The following GRM8 variants were observed in gnomAD, a reference collection of about 807,000 sequenced individuals.
GRM8 encodes the protein glutamate metabotropic receptor 8.
Under a neutral mutation model 87.2 loss-of-function variants are expected in GRM8, and 47 were observed. That is an observed-to-expected ratio of 0.54 (90% CI 0.43 to 0.69). The LOEUF is 0.69. Ranked by LOEUF, GRM8 falls within the 30% of genes least tolerant of loss-of-function variation. The probability of loss-of-function intolerance (pLI) is 0.00; values close to 1 mark genes in which losing one functional copy is unlikely to be tolerated. For missense variants in GRM8, 1,019 were observed against 1,139.2 expected (o/e 0.89, Z 1.52); for synonymous variants, 396 against 404.5 (o/e 0.98, Z 0.25).
chr7:127,024,676 C>A (rs1816605982), intron 3 of GRM8, among the ~76,000 whole-genome samples: 2 of 152,060 alleles, frequency 1.3e-5, no homozygotes, highest in Non-Finnish European at 2.9e-5. Context: ...GATCCCTGAC[C>A]TCATCACATA....
At chr7:127,063,527 G>A (rs906431156) in intron 3 of GRM8, among the ~76,000 whole-genome samples, 1 of 152,182 alleles carries the variant, frequency 6.6e-6, no homozygotes, top group Non-Finnish European at 1.5e-5. Context: ...AGTGAGCAGA[G>A]ATTGCACCAC....
At chr7:126,838,532 A>C (rs1185118033) in intron 6 of GRM8, among the ~76,000 whole-genome samples, 1 of 152,194 alleles carries the variant, frequency 6.6e-6, no homozygotes, top group Non-Finnish European at 1.5e-5. Context: ...AAAGTGTTTT[A>C]TTTCAAGTTC....
Position 126,613,648 on chromosome 7 carries a change from C to T in GRM8, c.1358-4150G>A, listed in dbSNP as rs145970551. Among the ~76,000 whole-genome samples, 303 of 152,300 alleles carry T rather than the reference C, an allele frequency of 2.0e-3. 1 individual carries two copies. Among genetic ancestry groups the T allele is most frequent in the African/African-American group, 6.4e-3 (264 of 41,562 alleles). ...CCTAGCCAAGGGAATGGGTGACAGA[C>T]GGCACCTGGAAAATCAGGTCACTCC... On this transcript the variant is annotated intron_variant, in intron 7 of 10. Coordinates refer to ENST00000339582, the MANE Select transcript of GRM8 (RefSeq NM_000845.3).
rs149807985 is a variant in GRM8 at position 126,824,953 on chromosome 7, C to A, written c.1157-54888G>T. 2.1e-3 allele frequency among the ~76,000 whole-genome samples: 325 copies of A among 152,346 alleles called. 1 individual carries two copies. The highest frequency in any genetic ancestry group is 7.5e-3 in the African/African-American group (313 of 41,568). On this transcript the variant is annotated intron_variant, in intron 6 of 10. Coordinates refer to ENST00000339582, the MANE Select transcript of GRM8 (RefSeq NM_000845.3). ...ATATTCCAAAACTCTCTCAAAGAGC[C>A]TCTCTTCCTCAGGATAGTAGTTTGA...
At chr7:127,091,866 C>T (rs1213108241) in intron 3 of GRM8, among the ~76,000 whole-genome samples, 5 of 104,062 alleles carry the variant, frequency 4.8e-5, no homozygotes, top group East Asian at 6.5e-4. Flanking sequence ...ATGACCCCCC[C>T]GCCGGCCCAC....
chr7:127,100,775 G>C (rs889087048), intron 3 of GRM8, among the ~76,000 whole-genome samples: 1 of 152,164 alleles, frequency 6.6e-6, no homozygotes, highest in Non-Finnish European at 1.5e-5. Flanking sequence ...CCCTACACTT[G>C]ACACACGGGG....
At chr7:126,554,650 T>C (rs1017663650) in intron 8 of GRM8, among the ~76,000 whole-genome samples, 3 of 151,964 alleles carry the variant, frequency 2.0e-5, no homozygotes, top group African/African-American at 7.2e-5. Flanking sequence ...GCAAAGCACA[T>C]GGTATATAAC....
chr7:126,579,843 T>C (rs1234350042), intron 8 of GRM8, among the ~76,000 whole-genome samples: 9 of 152,120 alleles, frequency 5.9e-5, no homozygotes, highest in Non-Finnish European at 1.3e-4. Flanking sequence ...TGTTAATCAA[T>C]GTTATAGAAA....
chr7:126,619,503 TAAAGTA>T (rs1162739129), intron 7 of GRM8, among the ~76,000 whole-genome samples: 1 of 151,508 alleles, frequency 6.6e-6, no homozygotes, highest in Non-Finnish European at 1.5e-5. Flanking sequence ...CCCTAGAACT[TAAAGTA>T]TAATAAGAAA....
intron 9 of GRM8, among the ~76,000 whole-genome samples, chr7:126,502,076 G>C (rs1809732496): frequency 6.6e-6 from 1 of 152,014 alleles, no homozygotes; most frequent in South Asian, 2.1e-4. Context: ...GGTCCTAATG[G>C]AGAAGAACCT....
intron 7 of GRM8, among the ~76,000 whole-genome samples, chr7:126,737,645 C>T (rs1356870121): frequency 6.6e-6 from 1 of 151,994 alleles, no homozygotes; most frequent in Non-Finnish European, 1.5e-5. Context: ...TTTCCATTCC[C>T]TTCCTGAGCA....
chr7:127,244,235 A>G (rs1798465068), intron 1 of GRM8, among the ~76,000 whole-genome samples: 1 of 152,168 alleles, frequency 6.6e-6, no homozygotes, highest in South Asian at 2.1e-4. Flanking sequence ...TGTGGGAGCA[A>G]TGGGTATATT....
intron 7 of GRM8, among the ~76,000 whole-genome samples, chr7:126,645,835 C>T (rs978542803): frequency 6.6e-6 from 1 of 152,196 alleles, no homozygotes; most frequent in Non-Finnish European, 1.5e-5. Context: ...CTCGGCTCAA[C>T]AAATAGTGCC....
intron 2 of GRM8, among the ~76,000 whole-genome samples, chr7:127,146,845 TA>T (rs1165923865): frequency 6.6e-6 from 1 of 152,014 alleles, no homozygotes; most frequent in Non-Finnish European, 1.5e-5. Context: ...TGCAGTCCCA[TA>T]CCTCTTGAGA....
At chr7:126,486,434 C>T (rs1807379289) in intron 9 of GRM8, among the ~76,000 whole-genome samples, 1 of 151,976 alleles carries the variant, frequency 6.6e-6, no homozygotes, top group South Asian at 2.1e-4. Flanking sequence ...ACTTGGCCAA[C>T]CTTGTCAGCA....
intron 7 of GRM8, among the ~76,000 whole-genome samples, chr7:126,713,633 C>G (rs1014102713): frequency 4.0e-5 from 6 of 150,840 alleles, no homozygotes; most frequent in Non-Finnish European, 8.8e-5. Context: ...AAAAGGTATG[C>G]CTGTATGTGA....
intron 7 of GRM8, among the ~76,000 whole-genome samples, chr7:126,749,353 C>A (rs1316804155): frequency 6.6e-6 from 1 of 151,658 alleles, no homozygotes; most frequent in Non-Finnish European, 1.5e-5. Context: ...AACTATAAAA[C>A]TTCGAGAAGA....
intron 6 of GRM8, among the ~76,000 whole-genome samples, chr7:126,896,907 G>A (rs1405294781): frequency 6.6e-6 from 1 of 152,162 alleles, no homozygotes. Context: ...CCACAAGACA[G>A]TGTATATGTC....
intron 7 of GRM8, among the ~76,000 whole-genome samples, chr7:126,616,753 C>T (rs185820118): frequency 9.2e-5 from 14 of 152,166 alleles, no homozygotes; most frequent in East Asian, 1.9e-4. Context: ...AACACCACTG[C>T]GGAAATAAAC....
Sources: gnomAD v4.1 joint callset for allele counts (sites outside exome capture counted in the v4.1 genomes callset) on GRCh38, gnomAD v4.1.1 for gene constraint, MANE v1.5 for transcripts, NCBI Gene and HGNC (gene_info 2026-07-23, HGNC 2026-07-21) for gene names.